ADGRL2: variants seen among roughly 807,000 people sequenced by gnomAD.
ADGRL2 encodes the protein adhesion G protein-coupled receptor L2.
Under a neutral mutation model 157.4 loss-of-function variants are expected in ADGRL2, and 44 were observed. That is an observed-to-expected ratio of 0.28 (90% CI 0.22 to 0.36). ADGRL2 has a LOEUF of 0.36. ADGRL2 is among the 10% of genes least tolerant of loss of function. ADGRL2 has a pLI of 1.00. For synonymous variants in ADGRL2, 585 were observed against 624.7 expected (o/e 0.94, Z 0.95); for missense variants, 1,510 against 1,768.9 (o/e 0.85, Z 2.63).
At chr1:81,533,081 T>G (rs2079644336) in intron 2 of ADGRL2, among the ~76,000 whole-genome samples, 1 of 151,656 alleles carries the variant, frequency 6.6e-6, no homozygotes, top group Non-Finnish European at 1.5e-5. Flanking sequence ...TAATCATATT[T>G]TAAATAAAAA....
At chr1:81,462,732 C>A (rs1008241077) in intron 2 of ADGRL2, among the ~76,000 whole-genome samples, 4 of 152,018 alleles carry the variant, frequency 2.6e-5, no homozygotes, top group Non-Finnish European at 4.4e-5. Context: ...CATTCAAGAC[C>A]TAAGAAAGCT....
intron 3 of ADGRL2, among the ~76,000 whole-genome samples, chr1:81,913,040 A>T (rs981266164): frequency 6.6e-6 from 1 of 152,184 alleles, no homozygotes; most frequent in African/African-American, 2.4e-5. Flanking sequence ...CTTAAGCTCT[A>T]TAAGCAACAA....
At chr1:81,464,827 T>C (rs144356878) in intron 2 of ADGRL2, among the ~76,000 whole-genome samples, 118 of 151,570 alleles carry the variant, frequency 7.8e-4, no homozygotes, top group African/African-American at 2.8e-3. Flanking sequence ...GCCTAGTAAA[T>C]AGTTTCTTTT....
At chr1:81,331,644 G>A (rs932576275) in intron 1 of ADGRL2, among the ~76,000 whole-genome samples, 1 of 152,132 alleles carries the variant, frequency 6.6e-6, no homozygotes, top group African/African-American at 2.4e-5. Flanking sequence ...AATGTGCATT[G>A]CCTTTAAGGA....
chr1:81,671,998 T>C (rs1323332546), intron 3 of ADGRL2, among the ~76,000 whole-genome samples: 1 of 152,248 alleles, frequency 6.6e-6, no homozygotes, highest in Non-Finnish European at 1.5e-5. Context: ...CATGTCAGCA[T>C]TAGTTAAAAA....
Position 81,970,397 on chromosome 1 carries a change from C to T in ADGRL2, c.2817C>T (p.Leu939=). Residue 939 remains leucine, a synonymous_variant, in exon 16 of 24, where the codon CTC becomes CTT. Transcript: ENST00000686636. ...FAWMCLEGVQ[L]YLMLVEVFES... is the part of the protein sequence containing the mutation. ...GGATGTGCCTAGAAGGTGTGCAGCT[C>T]TACCTAATGTTAGTTGAAGTTTTTG... 6.3e-7 allele frequency: 1 copy of T among 1,578,844 alleles called. No homozygotes were observed. The highest frequency in any genetic ancestry group is 8.6e-7 in the Non-Finnish European group (1 of 1,168,288).
intron 17 of ADGRL2, among the ~76,000 whole-genome samples, chr1:81,974,734 C>A (rs1384545788): frequency 2.0e-5 from 3 of 151,548 alleles, no homozygotes; most frequent in Admixed American, 6.6e-5. Flanking sequence ...AGGTTGATGA[C>A]CATAAAACAA....
At chr1:81,351,643 A>G (rs1204062103) in intron 1 of ADGRL2, among the ~76,000 whole-genome samples, 1 of 152,222 alleles carries the variant, frequency 6.6e-6, no homozygotes, top group Admixed American at 6.5e-5. Context: ...CCAGCACGTC[A>G]AACCAGCAAG....
intron 2 of ADGRL2, among the ~76,000 whole-genome samples, chr1:81,555,479 G>A (rs569893639): frequency 1.3e-5 from 2 of 152,102 alleles, no homozygotes; most frequent in African/African-American, 4.8e-5. Context: ...ATATTGGCCA[G>A]TCTGGTCTCA....
chr1:81,851,308 T>G (rs565136642), intron 2 of ADGRL2, among the ~76,000 whole-genome samples: 2 of 152,058 alleles, frequency 1.3e-5, no homozygotes, highest in South Asian at 4.1e-4. Context: ...ACTTCCTTCT[T>G]AAAATCCATT....
At chr1:81,712,855 C>T (rs904192244) in intron 1 of ADGRL2, among the ~76,000 whole-genome samples, 19 of 149,136 alleles carry the variant, frequency 1.3e-4, no homozygotes, top group Admixed American at 3.4e-4. Context: ...CTCCACCTCC[C>T]GGGTTCAAGT....
chr1:81,898,303 TACA>T (rs1262564576), intron 2 of ADGRL2, among the ~76,000 whole-genome samples: 1 of 152,188 alleles, frequency 6.6e-6, no homozygotes, highest in Admixed American at 6.6e-5. Context: ...ATATACAAAT[TACA>T]ACATTTTCTA....
At chr1:81,713,007 C>G (rs1413645421) in intron 1 of ADGRL2, among the ~76,000 whole-genome samples, 1 of 152,116 alleles carries the variant, frequency 6.6e-6, no homozygotes, top group Non-Finnish European at 1.5e-5. Context: ...ATCCGCCCAT[C>G]TTGGCCTCCC....
intron 1 of ADGRL2, among the ~76,000 whole-genome samples, chr1:81,379,548 G>A (rs1224992702): frequency 6.6e-6 from 1 of 152,122 alleles, no homozygotes; most frequent in East Asian, 1.9e-4. Context: ...TCAGCAGATA[G>A]GGGAGCCAAA....
intron 1 of ADGRL2, among the ~76,000 whole-genome samples, chr1:81,805,001 GT>G (rs200358411): frequency 6.6e-6 from 1 of 151,948 alleles, no homozygotes; most frequent in Non-Finnish European, 1.5e-5. Flanking sequence ...GCTTGGAAAA[GT>G]TTTTTTTAAG....
In ADGRL2 at chr1:81,981,812, T is replaced by C. The variant is rs1661752104; in HGVS notation, c.3118T>C (p.Trp1040Arg). Residue 1040 changes from tryptophan to arginine, a missense_variant, in exon 19 of 24, where the codon TGG (tryptophan) becomes CGG (arginine). Transcript: ENST00000686636. Reference sequence around the variant, plus strand: ...AAGTTCACTTTATTTTTCCAGGTCTTGGGTGCTTGGCGCTTTCGCTCTTCT... The same window carrying C: ...AAGTTCACTTTATTTTTCCAGGTCTCGGGTGCTTGGCGCTTTCGCTCTTCT... ...DSSRLENIKS[W>R]VLGAFALLCL... is the part of the protein sequence containing the mutation. 1 of 1,605,310 alleles carries C rather than the reference T, an allele frequency of 6.2e-7. No individual in the cohort carries two copies. The highest frequency in any genetic ancestry group is 8.5e-7 in the Non-Finnish European group (1 of 1,177,156).
intron 2 of ADGRL2, among the ~76,000 whole-genome samples, chr1:81,454,771 C>CT (rs2077769610): frequency 6.6e-6 from 1 of 152,146 alleles, no homozygotes; most frequent in African/African-American, 2.4e-5. Context: ...TGGAATGCTC[C>CT]TTCCTTTTCT....
At chr1:81,542,206 T>C (rs2079902307) in intron 2 of ADGRL2, among the ~76,000 whole-genome samples, 2 of 152,152 alleles carry the variant, frequency 1.3e-5, no homozygotes, top group South Asian at 2.1e-4. Context: ...TTCACAACAG[T>C]AACCCCAGTT....
At chr1:81,915,553 G>T (rs2094836047) in intron 3 of ADGRL2, among the ~76,000 whole-genome samples, 3 of 152,122 alleles carry the variant, frequency 2.0e-5, no homozygotes, top group African/African-American at 7.2e-5. Flanking sequence ...TTTCCATAAG[G>T]ACATTACATT....
Sources: gnomAD v4.1 joint callset for allele counts (sites outside exome capture counted in the v4.1 genomes callset) on GRCh38, gnomAD v4.1.1 for gene constraint, MANE v1.5 for transcripts, NCBI Gene and HGNC (gene_info 2026-07-23, HGNC 2026-07-21) for gene names.